Variants in HPSE2 observed in about 807,000 individuals in gnomAD.
HPSE2 encodes heparanase 2 (inactive), also known as inactive heparanase-2.
Under a neutral mutation model 60.5 loss-of-function variants are expected in HPSE2, and 38 were observed. The observed-to-expected ratio is 0.63, with a 90% CI of 0.48 to 0.82. HPSE2 has a LOEUF of 0.82. Ranked by LOEUF, HPSE2 falls within the 40% of genes least tolerant of loss-of-function variation. HPSE2 has a pLI of 0.00. For synonymous variants in HPSE2, 295 were observed against 293.2 expected (o/e 1.01, Z -0.06); for missense variants, 713 against 740.4 (o/e 0.96, Z 0.43).
At chr10:99,175,896 C>T (rs964993154) in intron 2 of HPSE2, among the ~76,000 whole-genome samples, 3 of 152,152 alleles carry the variant, frequency 2.0e-5, no homozygotes, top group South Asian at 2.1e-4. Flanking sequence ...TGGCAGGTGT[C>T]CCCCTGGAAT....
chr10:98,854,699 A>G (rs1952265648), intron 3 of HPSE2, among the ~76,000 whole-genome samples: 2 of 151,928 alleles, frequency 1.3e-5, no homozygotes, highest in Admixed American at 6.6e-5. Context: ...TAAGTAACAT[A>G]TTGAGAAACA....
At chr10:98,525,353 C>G (rs1942933060) in intron 9 of HPSE2, among the ~76,000 whole-genome samples, 1 of 152,212 alleles carries the variant, frequency 6.6e-6, no homozygotes, top group African/African-American at 2.4e-5. Context: ...TTTCATGGCC[C>G]ATTTAGTCCC....
intron 3 of HPSE2, among the ~76,000 whole-genome samples, chr10:99,124,024 C>G (rs1190552667): frequency 6.6e-6 from 1 of 152,084 alleles, no homozygotes; most frequent in Non-Finnish European, 1.5e-5. Flanking sequence ...GTCCTGACGT[C>G]TGTGCAGCCT....
At chr10:98,611,948 T>A (rs930037829) in intron 9 of HPSE2, among the ~76,000 whole-genome samples, 2 of 152,228 alleles carry the variant, frequency 1.3e-5, no homozygotes, top group African/African-American at 4.8e-5. Context: ...ATGTATCAAC[T>A]GAGGTCTTTT....
At chr10:98,797,384 CAAGA>C (rs1328263736) in intron 3 of HPSE2, among the ~76,000 whole-genome samples, 1 of 151,842 alleles carries the variant, frequency 6.6e-6, no homozygotes, top group Non-Finnish European at 1.5e-5. Context: ...CAAAATTGAT[CAAGA>C]AAGAATTAGT....
At chr10:98,790,544 C>G (rs1330764091) in intron 3 of HPSE2, among the ~76,000 whole-genome samples, 1 of 152,148 alleles carries the variant, frequency 6.6e-6, no homozygotes, top group East Asian at 1.9e-4. Context: ...ACTCTCAGAG[C>G]AGAGGATTAA....
At chr10:98,514,315 C>T (rs1942518847) in intron 9 of HPSE2, among the ~76,000 whole-genome samples, 1 of 151,966 alleles carries the variant, frequency 6.6e-6, no homozygotes, top group Non-Finnish European at 1.5e-5. Flanking sequence ...AGTTGTTATT[C>T]AAAGTGATAA....
intron 9 of HPSE2, among the ~76,000 whole-genome samples, chr10:98,503,218 AAGAAAAAGAAAAAAAG>A (rs1269086779): frequency 9.6e-5 from 9 of 93,994 alleles, no homozygotes; most frequent in African/African-American, 1.7e-4. Context: ...ATCAGAAAAA[AAGAAAAAGAAAAAAAG>A]AAAAAAAGAA....
intron 9 of HPSE2, among the ~76,000 whole-genome samples, chr10:98,576,165 G>A (rs1040323891): frequency 5.9e-5 from 9 of 152,068 alleles, no homozygotes; most frequent in South Asian, 2.1e-4. Flanking sequence ...ATGATATCAC[G>A]GGTAAAACCT....
At chr10:98,911,270 A>G (rs922859438) in intron 3 of HPSE2, among the ~76,000 whole-genome samples, 5 of 152,182 alleles carry the variant, frequency 3.3e-5, no homozygotes, top group Non-Finnish European at 1.5e-5. Context: ...GCTGCAGGAG[A>G]TAAGTACAAA....
rs538399220 is a variant in HPSE2, at chr10:98,913,366, T to G, written c.611-169310A>C. On this transcript the variant is annotated intron_variant, in intron 3 of 11. Transcript: ENST00000370552. ...ATATTGAAAGTCAATCAACACTTTA[T>G]TTATCTGCTTTAATAGAACTGTTGA... Among the ~76,000 whole-genome samples the G allele has an allele frequency of 8.7e-4, 132 of 152,278 alleles. 1 individual carries two copies. The Middle Eastern group carries it at 0.01, about 12-fold the overall frequency.
In HPSE2 at chr10:98,939,485, A is replaced by G. The variant is rs964136277; in HGVS notation, c.611-195429T>C. ...CCAAAAAGATCAAAAGAGACAAAGA[A>G]GGCCATTACATAATGGTAAAGGGAT... On this transcript the variant is annotated intron_variant, in intron 3 of 11. Coordinates refer to ENST00000370552, the MANE Select transcript of HPSE2 (RefSeq NM_021828.5). Among the ~76,000 whole-genome samples, 4 of 143,854 alleles carry G rather than the reference A, an allele frequency of 2.8e-5. 1 individual carries two copies. Among genetic ancestry groups the G allele is most frequent in the African/African-American group, 5.7e-5 (2 of 35,222 alleles). 94.4% of individuals were successfully genotyped at this position (143,854 alleles called of 152,430 possible).
chr10:99,215,611 G>A (rs1277134439), intron 2 of HPSE2, among the ~76,000 whole-genome samples: 1 of 152,082 alleles, frequency 6.6e-6, no homozygotes, highest in Non-Finnish European at 1.5e-5. Context: ...ATGTATCCCT[G>A]GAATTTAAAG....
At chr10:98,778,381 G>T (rs1950394259) in intron 3 of HPSE2, among the ~76,000 whole-genome samples, 1 of 151,772 alleles carries the variant, frequency 6.6e-6, no homozygotes, top group African/African-American at 2.4e-5. Flanking sequence ...GCTCTAACTG[G>T]TGGGTTTAGA....
intron 3 of HPSE2, among the ~76,000 whole-genome samples, chr10:99,020,058 T>G (rs922133265): frequency 6.6e-6 from 1 of 152,090 alleles, no homozygotes; most frequent in African/African-American, 2.4e-5. Flanking sequence ...TAACTTTCCC[T>G]TTATTTATAT....
intron 3 of HPSE2, among the ~76,000 whole-genome samples, chr10:99,086,658 G>C (rs899180257): frequency 6.6e-6 from 1 of 152,092 alleles, no homozygotes; most frequent in South Asian, 2.1e-4. Context: ...GGCCGGAAAA[G>C]TACTTTCATC....
At chr10:99,013,978 GA>G (rs1957075591) in intron 3 of HPSE2, 1 of 372,622 alleles carries the variant, frequency 2.7e-6, no homozygotes. Context: ...CCTGCCTCCA[GA>G]CACCCAGACC....
intron 2 of HPSE2, among the ~76,000 whole-genome samples, chr10:99,170,796 C>T (rs1847277502): frequency 3.3e-5 from 5 of 152,292 alleles, no homozygotes; most frequent in East Asian, 1.9e-4. Context: ...GAGTACAGTC[C>T]GCCCTCTGTA....
intron 3 of HPSE2, among the ~76,000 whole-genome samples, chr10:98,915,919 C>G (rs1261575248): frequency 1.3e-5 from 2 of 151,610 alleles, no homozygotes; most frequent in African/African-American, 4.8e-5. Context: ...GGGTAGTGTA[C>G]AAAGAAAGGA....
Sources: allele counts gnomAD v4.1 joint callset (sites outside exome capture counted in the v4.1 genomes callset), GRCh38; gene constraint gnomAD v4.1.1; transcripts MANE v1.5; gene names NCBI Gene and HGNC (gene_info 2026-07-23, HGNC 2026-07-21).